Variants in RBFOX3 observed in about 807,000 individuals in gnomAD.
RBFOX3 encodes RNA binding protein fox-1 homolog 3.
In RBFOX3, 17 loss-of-function variants were observed where a neutral mutation model predicts 48.7. That is an observed-to-expected ratio of 0.35 (90% CI 0.24 to 0.52). The LOEUF (loss-of-function observed/expected upper bound fraction) is 0.52, where lower values mean the gene tolerates loss of function less well. RBFOX3 is among the 20% of genes least tolerant of loss of function. The pLI is 0.94. For missense variants in RBFOX3, 382 were observed against 497.5 expected (o/e 0.77, Z 2.21); for synonymous variants, 212 against 209.5 (o/e 1.01, Z -0.10).
chr17:79,512,435 C>A (rs1472140407), intron 1 of RBFOX3, among the ~76,000 whole-genome samples: 1 of 130,654 alleles, frequency 7.7e-6, no homozygotes, highest in Non-Finnish European at 1.6e-5. Flanking sequence ...ATACATGTTA[C>A]CATCGAGTAC....
chr17:79,221,222 C>T (rs570418531), intron 4 of RBFOX3, among the ~76,000 whole-genome samples: 6 of 152,378 alleles, frequency 3.9e-5, no homozygotes, highest in Admixed American at 3.9e-4. Flanking sequence ...GGACCCAGGC[C>T]CAGGGCCCGG....
the RBFOX3 span, among the ~76,000 whole-genome samples, chr17:79,647,183 G>A: frequency 4.6e-3 from 693 of 152,148 alleles, 5 homozygotes; most frequent in African/African-American, 0.016. Context: ...CCAGCAACAG[G>A]GCACCTTTCA....
At chr17:79,550,209 C>T (rs1022271512) in intron 1 of RBFOX3, among the ~76,000 whole-genome samples, 3 of 152,116 alleles carry the variant, frequency 2.0e-5, no homozygotes, top group East Asian at 1.9e-4. Flanking sequence ...CAAGAGGGCC[C>T]GAGGGCATCC....
At chr17:79,280,811 G>C (rs2070237397) in intron 3 of RBFOX3, among the ~76,000 whole-genome samples, 1 of 128,558 alleles carries the variant, frequency 7.8e-6, no homozygotes. Flanking sequence ...CTGAGACCAG[G>C]AAAGAGCTGC....
rs993111633 is a variant in RBFOX3 at position 79,362,861 on chromosome 17, A to G, written c.-174-55037T>C. Among the ~76,000 whole-genome samples the G allele has an allele frequency of 1.3e-5, 2 of 152,184 alleles. No homozygotes were observed. Among genetic ancestry groups the G allele is most frequent in the African/African-American group, 4.8e-5 (2 of 41,440 alleles). ...ACCCTGAACGCCCGGCTCTGTGTGCAGACCTCATTCTCGGACACTTCGAGG... is the reference window on the plus strand; with the variant it reads ...ACCCTGAACGCCCGGCTCTGTGTGCGGACCTCATTCTCGGACACTTCGAGG... On this transcript the variant is annotated intron_variant, in intron 2 of 14. Transcript: ENST00000693108. This position sits in a 1 kb window ranked among gnomAD's most constrained non-coding sequence, Gnocchi z 4.2.
At chr17:79,447,998 C>T (rs1326748694) in intron 2 of RBFOX3, among the ~76,000 whole-genome samples, 2 of 152,204 alleles carry the variant, frequency 1.3e-5, no homozygotes, top group East Asian at 1.9e-4. Flanking sequence ...TTCGCTCTCT[C>T]TCCTGCTGCC....
At chr17:79,215,350 G>A (rs556384469) in intron 4 of RBFOX3, among the ~76,000 whole-genome samples, 9 of 152,332 alleles carry the variant, frequency 5.9e-5, no homozygotes, top group African/African-American at 2.2e-4. Context: ...ACCTATGAAT[G>A]TGACCGTGGT....
At chr17:79,608,707 T>G (rs2093895707) in intron 1 of RBFOX3, among the ~76,000 whole-genome samples, 1 of 152,154 alleles carries the variant, frequency 6.6e-6, no homozygotes, top group African/African-American at 2.4e-5. Flanking sequence ...GGGGACAGCC[T>G]TGCCCTCCCA....
intron 1 of RBFOX3, among the ~76,000 whole-genome samples, chr17:79,491,544 C>T (rs978930449): frequency 3.3e-5 from 5 of 152,072 alleles, no homozygotes; most frequent in Admixed American, 2.0e-4. Context: ...CACCAGGACT[C>T]GGTGACCAGT....
At chr17:79,637,272 G>A in the RBFOX3 span, among the ~76,000 whole-genome samples, 2 of 152,042 alleles carry the variant, frequency 1.3e-5, no homozygotes, top group Admixed American at 1.3e-4. Context: ...TAAGGAAACA[G>A]CAAAACTAAG....
intron 1 of RBFOX3, among the ~76,000 whole-genome samples, chr17:79,543,745 A>G (rs1555791034): frequency 1.3e-5 from 2 of 151,998 alleles, no homozygotes. Context: ...ATTAGTGCGG[A>G]TGGAGTTTGA....
chr17:79,411,944 G>A (rs1024181637), intron 2 of RBFOX3, among the ~76,000 whole-genome samples: 11 of 152,120 alleles, frequency 7.2e-5, no homozygotes, highest in African/African-American at 9.7e-5. Flanking sequence ...GTATGTGTGC[G>A]TGTATGCACG....
At chr17:79,322,123 G>A (rs1193718752) in intron 2 of RBFOX3, among the ~76,000 whole-genome samples, 3 of 152,150 alleles carry the variant, frequency 2.0e-5, no homozygotes, top group African/African-American at 7.2e-5. Flanking sequence ...GTCAGGGCCA[G>A]GAAAAAAGAG....
rs529226677 is a variant in RBFOX3, at chr17:79,264,101, T to A, written c.-73-28296A>T. ...GCGCAGCCCTGTTGGCATCTTTTTTTTTTTTTTTAAGACGGAGTTTTGCTC... is the reference window on the plus strand; with the variant it reads ...GCGCAGCCCTGTTGGCATCTTTTTTATTTTTTTTAAGACGGAGTTTTGCTC... On this transcript the variant is annotated intron_variant, in intron 3 of 14. Transcript: ENST00000693108. Among the ~76,000 whole-genome samples the A allele has an allele frequency of 1.1e-4, 16 of 151,302 alleles. No individual in the cohort carries two copies. In the East Asian group the frequency reaches 3.1e-3, roughly 29 times the overall value.
chr17:79,196,995 T>A (rs1405357212), intron 4 of RBFOX3, among the ~76,000 whole-genome samples: 1 of 152,190 alleles, frequency 6.6e-6, no homozygotes, highest in Non-Finnish European at 1.5e-5. Context: ...CCGGGTGGAC[T>A]GACGCCTGCT....
intron 4 of RBFOX3, among the ~76,000 whole-genome samples, chr17:79,169,356 C>T (rs2048671734): frequency 6.6e-6 from 1 of 152,074 alleles, no homozygotes; most frequent in African/African-American, 2.4e-5. Flanking sequence ...GCAGGGAACA[C>T]CCCTGGGCTG....
chr17:79,384,468 G>T (rs576548525), intron 2 of RBFOX3, among the ~76,000 whole-genome samples: 6 of 152,162 alleles, frequency 3.9e-5, no homozygotes, highest in Non-Finnish European at 8.8e-5. Flanking sequence ...TGCACAGGGG[G>T]TTTAAGCAGG....
intron 3 of RBFOX3, among the ~76,000 whole-genome samples, chr17:79,296,765 A>G (rs1253502459): frequency 9.1e-6 from 1 of 109,536 alleles, no homozygotes; most frequent in Non-Finnish European, 1.8e-5. Flanking sequence ...TTCTTTTACT[A>G]CTCCTCTCTG....
At chr17:79,264,114 C>T (rs1163732446) in intron 3 of RBFOX3, among the ~76,000 whole-genome samples, 17 of 147,222 alleles carry the variant, frequency 1.2e-4, no homozygotes, top group African/African-American at 3.3e-4. Context: ...TTTTTTAAGA[C>T]GGAGTTTTGC....
Sources: gnomAD v4.1 joint callset for allele counts (sites outside exome capture counted in the v4.1 genomes callset) on GRCh38, gnomAD v4.1.1 for gene constraint, Gnocchi (gnomAD v3.1) non-coding constraint, MANE v1.5 for transcripts, NCBI Gene and HGNC (gene_info 2026-07-23, HGNC 2026-07-21) for gene names.